WNK1: variants seen among roughly 807,000 people sequenced by gnomAD.
The protein encoded by WNK1 is WNK lysine deficient protein kinase 1.
WNK1 carries 38 observed loss-of-function variants against 222.8 expected under a neutral mutation model. The observed-to-expected ratio is 0.17, with a 90% CI of 0.13 to 0.22. WNK1 has a LOEUF of 0.22. Among genes scored for constraint, WNK1 ranks in the 10% least tolerant of loss-of-function variants. WNK1 has a pLI of 1.00. For missense variants in WNK1, 2,348 were observed against 2,918.4 expected, an observed-to-expected ratio of 0.80 and a Z score of 4.50; for synonymous variants, 1,090 against 1,092.9, an observed-to-expected ratio of 1.00 and a Z score of 0.05.
In WNK1 at chr12:885,232, T is replaced by TCAGCAGG; in HGVS notation, c.4441_4447dup (p.Thr1483ArgfsTer30). On this transcript the variant is annotated frameshift_variant, in exon 19 of 28. Transcript: ENST00000315939. LOFTEE classifies it high-confidence loss of function. ...GTCCTAAGCCTCCAGCTGTAGTATC[T>TCAGCAGG]CAGCAGGCAGCAGGCAGCACTACTG... The TCAGCAGG allele has an allele frequency of 1.2e-6, 2 of 1,614,168 alleles. No individual in the cohort carries two copies. The highest frequency in any genetic ancestry group is 1.7e-6 in the Non-Finnish European group (2 of 1,180,040).
At chr12:860,271 AAG>A (rs1951107447) in intron 6 of WNK1, among the ~76,000 whole-genome samples, 1 of 152,202 alleles carries the variant, frequency 6.6e-6, no homozygotes, top group Non-Finnish European at 1.5e-5. Context: ...TTTTACTTTG[AAG>A]AGAGTTTTCC....
chr12:875,924 T>G (rs1952569083), intron 9 of WNK1, among the ~76,000 whole-genome samples: 1 of 152,224 alleles, frequency 6.6e-6, no homozygotes, highest in African/African-American at 2.4e-5. Context: ...AAGTTTAAAT[T>G]TGTTCAAGTT....
chr12:911,221 T>C lies in WNK1; in HGVS notation c.*2429T>C, dbSNP rs1956059197. On this transcript the variant is annotated 3_prime_UTR_variant, in exon 28 of 28. Coordinates refer to ENST00000315939, the MANE Select transcript of WNK1 (RefSeq NM_018979.4). ...ACACTTTGAGTATCTTTTTCCACAT[T>C]AAAAACTTTCTGAATTATAAATGTT... The C allele has an allele frequency of 2.5e-6, 1 of 398,374 alleles. No individual in the cohort carries two copies. The highest frequency in any genetic ancestry group is 4.4e-6 in the Non-Finnish European group (1 of 226,006). 24.7% of individuals were successfully genotyped at this position (398,374 alleles called of 1,614,324 possible).
In WNK1 at chr12:752,672, G is replaced by C. The variant is rs1193389818; in HGVS notation, c.-894G>C. 1.3e-5 allele frequency: 2 copies of C among 152,370 alleles called. No individual in the cohort carries two copies. Among genetic ancestry groups the C allele is most frequent in the African/African-American group, 4.8e-5 (2 of 41,428 alleles). The allele number at this position is 152,370 out of a possible 1,614,324, so 9.4% of individuals were successfully genotyped here. A position where few individuals can be genotyped will look rare whatever the true frequency, so the allele number is the denominator to read the frequency against. Reference sequence around the variant, plus strand: ...ACCCCCATCTTCGGTGACAGAAGGCGCCTGGTGGGGGTGGCTGCTCTTTTC... The same window carrying C: ...ACCCCCATCTTCGGTGACAGAAGGCCCCTGGTGGGGGTGGCTGCTCTTTTC... On this transcript the variant is annotated 5_prime_UTR_variant, in exon 1 of 28. Coordinates refer to ENST00000315939, the MANE Select transcript of WNK1 (RefSeq NM_018979.4).
chr12:772,645 A>AT (rs147421692), intron 1 of WNK1, among the ~76,000 whole-genome samples: 1 of 151,698 alleles, frequency 6.6e-6, no homozygotes. Flanking sequence ...AGTATATATT[A>AT]TTTTTTTAAT....
At chr12:820,474 T>G (rs913459764) in intron 2 of WNK1, among the ~76,000 whole-genome samples, 8 of 148,330 alleles carry the variant, frequency 5.4e-5, no homozygotes, top group East Asian at 3.9e-4. Flanking sequence ...GGGTTTTTTT[T>G]TTTTTTTTTT....
intron 1 of WNK1, among the ~76,000 whole-genome samples, chr12:756,549 G>C (rs572391006): frequency 7.2e-5 from 11 of 152,252 alleles, no homozygotes; most frequent in Non-Finnish European, 1.5e-4. Flanking sequence ...GTGGTACCTG[G>C]TTTAGAAACT....
At chr12:791,463 TTATC>T (rs1944831447) in intron 1 of WNK1, among the ~76,000 whole-genome samples, 1 of 152,166 alleles carries the variant, frequency 6.6e-6, no homozygotes, top group South Asian at 2.1e-4. Flanking sequence ...GTATGGTTCT[TTATC>T]TAAAACGTAG....
chr12:827,585 G>GT lies in WNK1; in HGVS notation c.1153+324dup, dbSNP rs1948456730. The stretch of plus-strand genomic sequence containing the variant: ...TCTCTGTCACCCAGGCTAGAGTGCA[G>GT]TGGCACAATCTCAGCTCACTGCAAC... On this transcript the variant is annotated intron_variant, in intron 3 of 27. Transcript: ENST00000315939. This position sits in a 1 kb window ranked among gnomAD's most constrained non-coding sequence, Gnocchi z 4.6. 2 of 382,284 alleles carry GT rather than the reference G, an allele frequency of 5.2e-6. No homozygotes were observed. Among genetic ancestry groups the GT allele is most frequent in the East Asian group, 9.4e-5 (2 of 21,274 alleles). The allele number at this position is 382,284 out of a possible 1,614,324, so 23.7% of individuals were successfully genotyped here.
chr12:876,418 G>T (rs911159935), intron 9 of WNK1, among the ~76,000 whole-genome samples: 2 of 151,946 alleles, frequency 1.3e-5, no homozygotes, highest in East Asian at 3.8e-4. Flanking sequence ...CAAAAAAAAA[G>T]AATACATTAT....
chr12:820,781 T>G (rs1376860387), intron 2 of WNK1, among the ~76,000 whole-genome samples: 1 of 152,160 alleles, frequency 6.6e-6, no homozygotes, highest in Non-Finnish European at 1.5e-5. Context: ...TAGCCATTCT[T>G]TGGGATTTTT....
intron 9 of WNK1, among the ~76,000 whole-genome samples, chr12:875,211 T>C (rs565788256): frequency 1.1e-4 from 16 of 152,244 alleles, no homozygotes; most frequent in South Asian, 8.3e-4. Flanking sequence ...GGAGGATGTA[T>C]TGGGGGCTGG....
intron 10 of WNK1, among the ~76,000 whole-genome samples, chr12:878,988 T>C (rs1207070157): frequency 1.3e-5 from 2 of 152,172 alleles, no homozygotes; most frequent in Non-Finnish European, 2.9e-5. Context: ...CATTATCAGT[T>C]ATAAAGTAGA....
At chr12:900,375 T>C (rs1393609200) in intron 25 of WNK1, 101 bp from the exon 26 acceptor site, 1 of 1,277,936 alleles carries the variant, frequency 7.8e-7, no homozygotes, top group Non-Finnish European at 1.1e-6. Context: ...TGACCCATCA[T>C]TCATCACTCA....
intron 26 of WNK1, chr12:906,274 C>T: frequency 1.0e-6 from 1 of 977,262 alleles, no homozygotes; most frequent in Non-Finnish European, 1.2e-6. Context: ...CATGACTCTT[C>T]TTTCCCTCTT....
Position 852,793 on chromosome 12 carries a change from C to T in WNK1, c.1312-4368C>T, listed in dbSNP as rs72648663. 7.0e-3 allele frequency among the ~76,000 whole-genome samples: 1,059 copies of T among 152,248 alleles called. 9 individuals carry two copies. Among genetic ancestry groups the T allele is most frequent in the South Asian group, 0.034 (163 of 4,824 alleles). On this transcript the variant is annotated intron_variant, in intron 4 of 27. Transcript: ENST00000315939. ...GAAACCTATGAGTACATTTTAAAAA[C>T]TGTAACTTTGTATTTATTTTAAACA... is the stretch of plus-strand genomic sequence containing the variant.
At chr12:764,650 A>AG (rs900181180) in intron 1 of WNK1, among the ~76,000 whole-genome samples, 2 of 144,428 alleles carry the variant, frequency 1.4e-5, no homozygotes, top group Non-Finnish European at 3.1e-5. Flanking sequence ...AAAAAAAAAA[A>AG]AAAAGAAAGA....
chr12:893,561 C>T (rs1954465083), intron 22 of WNK1, among the ~76,000 whole-genome samples: 2 of 152,128 alleles, frequency 1.3e-5, no homozygotes, highest in Admixed American at 6.5e-5. Context: ...CAGTGGCTCA[C>T]GCCTGTAATC....
intron 4 of WNK1, among the ~76,000 whole-genome samples, chr12:840,960 ATCT>A (rs922803796): frequency 6.6e-6 from 1 of 152,226 alleles, no homozygotes; most frequent in African/African-American, 2.4e-5. Context: ...TGAGAAGAAA[ATCT>A]TCTTAAATGA....
Sources: allele counts gnomAD v4.1 joint callset (sites outside exome capture counted in the v4.1 genomes callset), GRCh38; gene constraint gnomAD v4.1.1; non-coding constraint Gnocchi (gnomAD v3.1); transcripts MANE v1.5; gene names NCBI Gene and HGNC (gene_info 2026-07-23, HGNC 2026-07-21).